The following GRIN3A variants were observed in gnomAD, a reference collection of about 807,000 sequenced individuals.
GRIN3A encodes glutamate receptor ionotropic, NMDA 3A.
In GRIN3A, 47 loss-of-function variants were observed where a neutral mutation model predicts 92.4. The observed-to-expected ratio is 0.51, with a 90% CI of 0.40 to 0.65. The LOEUF (loss-of-function observed/expected upper bound fraction) is 0.65, where lower values mean the gene tolerates loss of function less well. Among genes scored for constraint, GRIN3A ranks in the 30% least tolerant of loss-of-function variants. The pLI is 0.00. For synonymous variants in GRIN3A, 527 were observed against 540.6 expected (o/e 0.97, Z 0.35); for missense variants, 1,324 against 1,393.1 (o/e 0.95, Z 0.79).
chr9:101,728,706 G>A (rs764728726), intron 1 of GRIN3A, among the ~76,000 whole-genome samples: 1 of 152,160 alleles, frequency 6.6e-6, no homozygotes, highest in Non-Finnish European at 1.5e-5. Context: ...AGAATAAAAA[G>A]CATTAAATGC....
At chr9:101,588,768 C>T (rs1364596418) in intron 6 of GRIN3A, among the ~76,000 whole-genome samples, 1 of 151,802 alleles carries the variant, frequency 6.6e-6, no homozygotes, top group African/African-American at 2.4e-5. Flanking sequence ...AACTTATTTT[C>T]TAACAAACTA....
chr9:101,582,241 G>C (rs911933575), intron 6 of GRIN3A, among the ~76,000 whole-genome samples: 1 of 152,242 alleles, frequency 6.6e-6, no homozygotes, highest in African/African-American at 2.4e-5. Flanking sequence ...TCAGGACTCA[G>C]AAGAAAAGGT....
In GRIN3A at chr9:101,711,837, C is replaced by T. The variant is rs752569401; in HGVS notation, c.700-24637G>A. Among the ~76,000 whole-genome samples, 31 of 152,240 alleles carry T rather than the reference C, an allele frequency of 2.0e-4. 1 individual carries two copies. Among genetic ancestry groups the T allele is most frequent in the Admixed American group, 9.2e-4 (14 of 15,300 alleles). On this transcript the variant is annotated intron_variant, in intron 1 of 8. Transcript: ENST00000361820. The stretch of plus-strand genomic sequence containing the variant: ...AATTAAGGCTCCAAGTCTCGACTTT[C>T]AAAAAATCTTTAATGAGAGACAGTA...
intron 2 of GRIN3A, among the ~76,000 whole-genome samples, chr9:101,678,074 A>G (rs1158785471): frequency 6.6e-6 from 1 of 152,156 alleles, no homozygotes; most frequent in Non-Finnish European, 1.5e-5. Flanking sequence ...TTCAGCATTT[A>G]TCTAAGTACC....
In GRIN3A at chr9:101,614,888, G is replaced by A. The variant is rs146478288; in HGVS notation, c.2615-1361C>T. 2.4e-4 allele frequency among the ~76,000 whole-genome samples: 37 copies of A among 151,528 alleles called. No individual in the cohort carries two copies. In the East Asian group the frequency reaches 6.4e-3, roughly 26 times the overall value. ...CTCACCTCAGCCTCTCAAAGTGATG[G>A]GATTACAGGTATGAGCCACGTGCCC... On this transcript the variant is annotated intron_variant, in intron 5 of 8. Coordinates refer to ENST00000361820, the MANE Select transcript of GRIN3A (RefSeq NM_133445.3).
intron 3 of GRIN3A, among the ~76,000 whole-genome samples, chr9:101,663,866 T>TTTTTC (rs1491313572): frequency 1.6e-5 from 1 of 63,270 alleles, no homozygotes; most frequent in South Asian, 4.5e-4. Flanking sequence ...TTTCTTTTTC[T>TTTTTC]TTTTTTTTTT....
intron 3 of GRIN3A, among the ~76,000 whole-genome samples, chr9:101,662,698 A>G (rs1176905199): frequency 2.0e-5 from 3 of 151,812 alleles, no homozygotes; most frequent in East Asian, 1.9e-4. Flanking sequence ...AAACCTATAA[A>G]CTAATCAAGG....
At chr9:101,653,367 G>T (rs1487225218) in intron 3 of GRIN3A, among the ~76,000 whole-genome samples, 1 of 151,752 alleles carries the variant, frequency 6.6e-6, no homozygotes, top group Non-Finnish European at 1.5e-5. Flanking sequence ...AATTTATGAT[G>T]AACTCTAAAG....
At chr9:101,720,042 C>T (rs1829992693) in intron 1 of GRIN3A, among the ~76,000 whole-genome samples, 2 of 152,036 alleles carry the variant, frequency 1.3e-5, no homozygotes, top group Admixed American at 1.3e-4. Flanking sequence ...TTTTAAGTCC[C>T]CGTTTGGGAA....
intron 2 of GRIN3A, 63 bp downstream of exon 2, chr9:101,686,531 TAG>T: frequency 6.4e-7 from 1 of 1,560,356 alleles, no homozygotes; most frequent in Non-Finnish European, 8.8e-7. Context: ...AGCGGACAGA[TAG>T]GGGAATTTTA....
At chr9:101,632,680 C>T (rs1480456436) in intron 3 of GRIN3A, among the ~76,000 whole-genome samples, 1 of 151,916 alleles carries the variant, frequency 6.6e-6, no homozygotes, top group Non-Finnish European at 1.5e-5. Context: ...TGAAAAATAA[C>T]CATGGGCTAC....
chr9:101,736,160 A>T lies in GRIN3A; in HGVS notation c.699+1121T>A, dbSNP rs187328850. The stretch of plus-strand genomic sequence containing the variant: ...CAAGAGTTGAGTGAAAATGATGTAG[A>T]GTCAGAAATCCTCCAGAATGTGGAC... On this transcript the variant is annotated intron_variant, in intron 1 of 8. Coordinates refer to ENST00000361820, the MANE Select transcript of GRIN3A (RefSeq NM_133445.3). Among the ~76,000 whole-genome samples the T allele has an allele frequency of 1.5e-3, 226 of 152,274 alleles. 1 individual carries two copies. The highest frequency in any genetic ancestry group is 0.011 in the Admixed American group (165 of 15,308).
chr9:101,613,878 C>A (rs543421358), intron 5 of GRIN3A, among the ~76,000 whole-genome samples: 19 of 152,302 alleles, frequency 1.2e-4, no homozygotes, highest in African/African-American at 4.6e-4. Context: ...AACCCCTCTT[C>A]TGAACCTTAA....
At chr9:101,594,675 T>C in intron 6 of GRIN3A, 2 of 1,614,204 alleles carry the variant, frequency 1.2e-6, no homozygotes, top group Non-Finnish European at 1.7e-6. Context: ...CCCTTGACGC[T>C]GAACTGGGAG....
rs1827773731 is a variant in GRIN3A at position 101,572,515 on chromosome 9, C to T, written c.*659G>A. The stretch of plus-strand genomic sequence containing the variant: ...GTTTCCGCTTACCACATCCCCTCCC[C>T]TTTTCACAGTAGGGTGTAAGCATGC... On this transcript the variant is annotated 3_prime_UTR_variant, in exon 9 of 9. Transcript: ENST00000361820. The T allele has an allele frequency of 6.5e-6, 1 of 152,942 alleles. No homozygotes were observed. The highest frequency in any genetic ancestry group is 2.1e-4 in the South Asian group (1 of 4,846). The allele number at this position is 152,942 out of a possible 1,614,324, so 9.5% of individuals were successfully genotyped here. A position where few individuals can be genotyped will look rare whatever the true frequency, so the allele number is the denominator to read the frequency against.
At chr9:101,700,868 A>G (rs10989594) in intron 1 of GRIN3A, among the ~76,000 whole-genome samples, 26,329 of 152,188 alleles carry the variant, frequency 0.17, 2,799 homozygotes, top group Non-Finnish European at 0.24. Flanking sequence ...AAAGGAAAAG[A>G]CAAAGAAAGA....
At position 101,686,858 on chromosome 9, in the gene GRIN3A, T is replaced by A. The variant is rs1402895923; in HGVS notation, c.1042A>T (p.Met348Leu). ...IFEITTQFGV[M>L]PPELRWVLGD... ...AGCACCCAACGAAGTTCAGGGGGCATGACCCCAAACTGGGTTGTAATTTCG... is the reference window on the plus strand; with the variant it reads ...AGCACCCAACGAAGTTCAGGGGGCAAGACCCCAAACTGGGTTGTAATTTCG... The change falls in exon 2 of 9, where the codon ATG (methionine) becomes TTG (leucine). Residue 348 changes from methionine to leucine, a missense_variant. Met to Leu is a conservative substitution (Grantham distance 15, BLOSUM62 2). Transcript: ENST00000361820. 6.8e-6 allele frequency: 11 copies of A among 1,614,078 alleles called. No homozygotes were observed. The highest frequency in any genetic ancestry group is 9.3e-6 in the Non-Finnish European group (11 of 1,180,040).
In GRIN3A at chr9:101,648,189, T is replaced by G. The variant is rs545961273; in HGVS notation, c.2353-19788A>C. On this transcript the variant is annotated intron_variant, in intron 3 of 8. Transcript: ENST00000361820. ...CCATTTTTGTTAGTCTCAAGGAATTTTTAAATTTCCTTTTTAATTTCTTTA... is the reference window on the plus strand; with the variant it reads ...CCATTTTTGTTAGTCTCAAGGAATTGTTAAATTTCCTTTTTAATTTCTTTA... Among the ~76,000 whole-genome samples the G allele has an allele frequency of 3.9e-5, 6 of 152,152 alleles. No individual in the cohort carries two copies. In the East Asian group the frequency reaches 1.2e-3, roughly 29 times the overall value.
intron 1 of GRIN3A, among the ~76,000 whole-genome samples, chr9:101,711,759 T>C (rs943129712): frequency 6.6e-6 from 1 of 152,096 alleles, no homozygotes; most frequent in Non-Finnish European, 1.5e-5. Flanking sequence ...GAAATGAGCA[T>C]TGGAAAGCTG....
Sources: gnomAD v4.1 joint callset for allele counts (sites outside exome capture counted in the v4.1 genomes callset) on GRCh38, gnomAD v4.1.1 for gene constraint, MANE v1.5 for transcripts, NCBI Gene and HGNC (gene_info 2026-07-23, HGNC 2026-07-21) for gene names.